The following NVL variants were observed in gnomAD, a reference collection of about 807,000 sequenced individuals.
NVL encodes nuclear VCP like.
A neutral mutation model predicts 110.2 loss-of-function variants in NVL; 84 were observed. The ratio of observed to expected loss-of-function variants is 0.76; its 90% CI spans 0.64 to 0.91. NVL has a LOEUF of 0.91. NVL is among the 40% of genes least tolerant of loss of function. NVL has a pLI of 0.00. For missense variants in NVL, 882 were observed against 1,035.9 expected, an observed-to-expected ratio of 0.85 and a Z score of 2.04; for synonymous variants, 354 against 361.1, an observed-to-expected ratio of 0.98 and a Z score of 0.22.
At chr1:224,251,191 T>C (rs1427773112) in intron 18 of NVL, among the ~76,000 whole-genome samples, 3 of 149,894 alleles carry the variant, frequency 2.0e-5, no homozygotes, top group Non-Finnish European at 4.4e-5. Context: ...GGAAAATTGC[T>C]TGAGCCTGGG....
intron 5 of NVL, among the ~76,000 whole-genome samples, chr1:224,309,674 T>C (rs1669317260): frequency 6.6e-6 from 1 of 152,096 alleles, no homozygotes; most frequent in African/African-American, 2.4e-5. Flanking sequence ...TGGAAAATAT[T>C]TGGGAAATAA....
At chr1:224,329,970 A>C (rs941745246) in intron 1 of NVL, 101 bp downstream of exon 1, 3 of 1,136,294 alleles carry the variant, frequency 2.6e-6, no homozygotes, top group Non-Finnish European at 4.0e-6. Context: ...GGGAAAGAAG[A>C]CTAGTTGAGT....
At chr1:224,260,937 G>A (rs537989492) in intron 18 of NVL, among the ~76,000 whole-genome samples, 4 of 151,976 alleles carry the variant, frequency 2.6e-5, no homozygotes, top group East Asian at 1.9e-4. Context: ...GTGCAGTGGC[G>A]TGATCTCGGC....
At chr1:224,251,774 A>G (rs1662535175) in intron 18 of NVL, among the ~76,000 whole-genome samples, 1 of 151,560 alleles carries the variant, frequency 6.6e-6, no homozygotes, top group African/African-American at 2.4e-5. Context: ...ACCCCACCCT[A>G]CCTCCCAAAT....
At chr1:224,263,420 C>T (rs929943540) in intron 18 of NVL, among the ~76,000 whole-genome samples, 74 of 152,272 alleles carry the variant, frequency 4.9e-4, no homozygotes, top group African/African-American at 1.8e-3. Flanking sequence ...ATAATATGGA[C>T]TTGTAAAGAA....
chr1:224,255,489 G>A (rs1029456999), intron 18 of NVL, among the ~76,000 whole-genome samples: 1 of 152,190 alleles, frequency 6.6e-6, no homozygotes, highest in Non-Finnish European at 1.5e-5. Flanking sequence ...ACCGCGCCTG[G>A]CCTAAAATGG....
chr1:224,299,834 G>GT (rs76900008), intron 10 of NVL, among the ~76,000 whole-genome samples: 139 of 149,494 alleles, frequency 9.3e-4, no homozygotes, highest in African/African-American at 1.3e-3. Flanking sequence ...TATTTAAAAT[G>GT]TTTTTTTTTT....
intron 15 of NVL, 70 bp from the exon 16 acceptor site, chr1:224,281,255 G>T: frequency 8.0e-7 from 1 of 1,243,518 alleles, no homozygotes; most frequent in Non-Finnish European, 1.2e-6. Flanking sequence ...TAATGATGAT[G>T]ATGTGTGACA....
intron 17 of NVL, among the ~76,000 whole-genome samples, chr1:224,272,760 C>A (rs1201933867): frequency 1.3e-5 from 2 of 151,494 alleles, no homozygotes; most frequent in East Asian, 3.9e-4. Flanking sequence ...ACAGGCCGTG[C>A]GCGGTGGCTC....
chr1:224,294,162 AAG>A (rs769791240), intron 12 of NVL, 103 bp downstream of exon 12: 730 of 1,214,476 alleles, frequency 6.0e-4, no homozygotes, highest in Non-Finnish European at 7.9e-4. Context: ...TACAAAAAGA[AAG>A]AGAGAGAAAG....
intron 18 of NVL, among the ~76,000 whole-genome samples, chr1:224,253,460 T>C (rs931633754): frequency 1.1e-4 from 17 of 150,602 alleles, no homozygotes; most frequent in African/African-American, 1.7e-4. Flanking sequence ...GCTGGCCGGG[T>C]GGAGTGGCTC....
chr1:224,329,926 A>T, intron 1 of NVL, 145 bp downstream of exon 1: 1 of 776,316 alleles, frequency 1.3e-6, no homozygotes, highest in Non-Finnish European at 2.1e-6. Context: ...AGCACCAACT[A>T]AGGAGAAACA....
intron 17 of NVL, among the ~76,000 whole-genome samples, chr1:224,272,983 G>A (rs1353936797): frequency 7.1e-6 from 1 of 140,290 alleles, no homozygotes; most frequent in African/African-American, 2.6e-5. Flanking sequence ...GCAGTGAGCC[G>A]AGATCCCGCC....
intron 2 of NVL, among the ~76,000 whole-genome samples, chr1:224,322,446 A>G (rs1305890638): frequency 6.6e-6 from 1 of 152,116 alleles, no homozygotes; most frequent in African/African-American, 2.4e-5. Context: ...AGTGGTAGCC[A>G]AAGTGAGGTA....
At chr1:224,239,449 G>A (rs1400574219) in intron 19 of NVL, among the ~76,000 whole-genome samples, 2 of 152,088 alleles carry the variant, frequency 1.3e-5, no homozygotes, top group Non-Finnish European at 2.9e-5. Context: ...TCTTGCTATG[G>A]TGGTGGGGCT....
chr1:224,252,525 A>G (rs758483232), intron 18 of NVL, among the ~76,000 whole-genome samples: 43 of 152,186 alleles, frequency 2.8e-4, no homozygotes, highest in Non-Finnish European at 1.6e-4. Context: ...ACAAAGAGGT[A>G]AATTATTATT....
chr1:224,275,519 T>C, intron 16 of NVL, 61 bp from the exon 17 acceptor site: 4 of 1,605,912 alleles, frequency 2.5e-6, no homozygotes, highest in Non-Finnish European at 3.4e-6. Flanking sequence ...TTGGGTCAAA[T>C]GATACTAAAC....
At chr1:224,296,762 T>C (rs1667921990) in intron 10 of NVL, 144 bp from the exon 11 acceptor site, 1 of 537,380 alleles carries the variant, frequency 1.9e-6, no homozygotes, top group Admixed American at 3.6e-5. Flanking sequence ...AGTTCACATG[T>C]GTTACTTCTG....
At position 224,286,080 on chromosome 1, in the gene NVL, T is replaced by A. The variant is rs1256295630; in HGVS notation, c.1845A>T (p.Pro615=). Reference sequence around the variant, plus strand: ...GAGGACCAGCAAGGAGGACCCCAGCTGGAGTCACCAATCCAAGAGCTTTGA... The same window carrying A: ...GAGGACCAGCAAGGAGGACCCCAGCAGGAGTCACCAATCCAAGAGCTTTGA... The part of the protein sequence containing the change: ...DQFKALGLVT[P]AGVLLAGPPG... Residue 615 remains proline (P), a synonymous_variant, in exon 15 of 23, where the codon CCA becomes CCT. Coordinates refer to ENST00000281701, the MANE Select transcript of NVL (RefSeq NM_002533.4). 2 of 1,614,050 alleles carry A rather than the reference T, an allele frequency of 1.2e-6. No homozygotes were observed. The highest frequency in any genetic ancestry group is 4.5e-5 in the East Asian group (2 of 44,904).
Sources: gnomAD v4.1 joint callset for allele counts (sites outside exome capture counted in the v4.1 genomes callset) on GRCh38, gnomAD v4.1.1 for gene constraint, MANE v1.5 for transcripts, NCBI Gene and HGNC (gene_info 2026-07-23, HGNC 2026-07-21) for gene names.